RHOBTB2: variants seen among roughly 807,000 people sequenced by gnomAD.
RHOBTB2 encodes Rho related BTB domain containing 2.
A neutral mutation model predicts 66.5 loss-of-function variants in RHOBTB2; 39 were observed. The ratio of observed to expected loss-of-function variants is 0.59; its 90% CI spans 0.45 to 0.77. The LOEUF is 0.77. Among genes scored for constraint, RHOBTB2 ranks in the 30% least tolerant of loss-of-function variants. The probability of loss-of-function intolerance (pLI) is 0.00; values close to 1 mark genes in which losing one functional copy is unlikely to be tolerated. For missense variants in RHOBTB2, 755 were observed against 999.1 expected, an observed-to-expected ratio of 0.76 and a Z score of 3.29; for synonymous variants, 390 against 395.0, an observed-to-expected ratio of 0.99 and a Z score of 0.15.
intron 6 of RHOBTB2, 130 bp downstream of exon 6, chr8:23,008,241 G>C: frequency 3.0e-6 from 2 of 660,918 alleles, no homozygotes; most frequent in Admixed American, 2.7e-5. Flanking sequence ...GCCCAAGAGA[G>C]GTTTATGAGG....
the RHOBTB2 span, among the ~76,000 whole-genome samples, chr8:22,982,170 C>T: frequency 6.6e-4 from 101 of 152,338 alleles, no homozygotes; most frequent in Middle Eastern, 0.014. Flanking sequence ...TGGTTCAGTG[C>T]CTCCATCCCT....
chr8:22,999,829 C>T lies in RHOBTB2; in HGVS notation c.-287C>T, dbSNP rs1393976981. Reference sequence around the variant, plus strand: ...CCGCGCGCCGCCGTGACATTGGGCGCCTGGCGCGCGGGGCGATGCTGATCC... The same window carrying T: ...CCGCGCGCCGCCGTGACATTGGGCGTCTGGCGCGCGGGGCGATGCTGATCC... On this transcript the variant is annotated 5_prime_UTR_variant, in exon 1 of 10. Transcript: ENST00000251822. 3 of 984,332 alleles carry T rather than the reference C, an allele frequency of 3.0e-6. No homozygotes were observed. In the East Asian group the frequency reaches 3.4e-4, roughly 113 times the overall value. The allele number at this position is 984,332 out of a possible 1,614,324, so 61.0% of individuals were successfully genotyped here.
At chr8:22,954,497 A>AT in the RHOBTB2 span, among the ~76,000 whole-genome samples, 1,790 of 152,338 alleles carry the variant, frequency 0.012, 33 homozygotes, top group African/African-American at 0.039. Context: ...GCAGACACTT[A>AT]ATAATCTTTT....
the RHOBTB2 span, among the ~76,000 whole-genome samples, chr8:22,974,648 C>T: frequency 6.6e-6 from 1 of 152,188 alleles, no homozygotes; most frequent in African/African-American, 2.4e-5. Flanking sequence ...CAGGTTGCAT[C>T]CTGGGTCTAT....
chr8:22,983,909 A>AT (rs1186385467), upstream of RHOBTB2, among the ~76,000 whole-genome samples: 1 of 151,786 alleles, frequency 6.6e-6, no homozygotes, highest in East Asian at 1.9e-4. Flanking sequence ...TAATTTTTGT[A>AT]TTTTTTAGTA....
Position 23,006,041 on chromosome 8 carries a change from C to G in RHOBTB2, c.378C>G (p.Ile126Met). ...TCAAGACCATGTGGTACCCAGAAATCAAGCACTTCTGCCCCCGAGCACCTG... is the reference window on the plus strand; with the variant it reads ...TCAAGACCATGTGGTACCCAGAAATGAAGCACTTCTGCCCCCGAGCACCTG... The part of the protein sequence containing the change: ...HHVKTMWYPE[I>M]KHFCPRAPVI... The change falls in exon 4 of 10, where the codon ATC becomes ATG. Residue 126 changes from isoleucine (I) to methionine (M), a missense_variant. By Grantham distance (10) the Ile-to-Met change is conservative (BLOSUM62 1). Around this residue, in one of 7 missense-constraint regions of RHOBTB2, gnomAD observed 33 missense variants for 36.0 expected, o/e 0.92. Coordinates refer to ENST00000251822, the MANE Select transcript of RHOBTB2 (RefSeq NM_015178.3). This position sits in a 1 kb window ranked among gnomAD's most constrained non-coding sequence, Gnocchi z 6.1. 1 of 1,614,080 alleles carries G rather than the reference C, an allele frequency of 6.2e-7. No individual in the cohort carries two copies. The highest frequency in any genetic ancestry group is 8.5e-7 in the Non-Finnish European group (1 of 1,179,996).
the RHOBTB2 span, among the ~76,000 whole-genome samples, chr8:22,981,708 C>G: frequency 1.8e-4 from 27 of 152,284 alleles, no homozygotes; most frequent in Non-Finnish European, 3.7e-4. Context: ...CCTGTCCCCC[C>G]ACTGCCTGCC....
chr8:22,975,526 G>A, the RHOBTB2 span, among the ~76,000 whole-genome samples: 3 of 152,140 alleles, frequency 2.0e-5, no homozygotes, highest in Non-Finnish European at 2.9e-5. Context: ...AGAAGGCCAG[G>A]GGATGTGAAC....
At chr8:22,962,398 C>A in the RHOBTB2 span, among the ~76,000 whole-genome samples, 2 of 151,908 alleles carry the variant, frequency 1.3e-5, no homozygotes, top group African/African-American at 2.4e-5. Context: ...CTCTTACTTT[C>A]TCTTAGTTGC....
At chr8:23,003,282 T>A (rs1810840961) in intron 1 of RHOBTB2, among the ~76,000 whole-genome samples, 1 of 152,206 alleles carries the variant, frequency 6.6e-6, no homozygotes, top group Non-Finnish European at 1.5e-5. Context: ...AACACGAACA[T>A]GACATCTGAC....
the RHOBTB2 span, among the ~76,000 whole-genome samples, chr8:22,966,432 A>C: frequency 6.6e-6 from 1 of 152,224 alleles, no homozygotes; most frequent in African/African-American, 2.4e-5. Context: ...AAACGGGTGA[A>C]GGACTTGAAT....
At chr8:22,965,765 A>C in the RHOBTB2 span, among the ~76,000 whole-genome samples, 2 of 152,382 alleles carry the variant, frequency 1.3e-5, no homozygotes, top group East Asian at 3.9e-4. Context: ...ACCATATGTA[A>C]AATTAACTCA....
In RHOBTB2 at chr8:23,008,056, G is replaced by A; in HGVS notation, c.1565G>A (p.Cys522Tyr). The change falls in exon 6 of 10, where the codon TGT (cysteine) becomes TAT (tyrosine). Residue 522 changes from cysteine to tyrosine, a missense_variant. Cys to Tyr is a radical substitution (Grantham distance 194). Around this residue, in one of 7 missense-constraint regions of RHOBTB2, gnomAD observed 353 missense variants for 458.2 expected, o/e 0.77. Coordinates refer to ENST00000251822, the MANE Select transcript of RHOBTB2 (RefSeq NM_015178.3). Reference protein sequence around the residue: ...SAHKPLLISSCDWMAAMFGGP... With the variant: ...SAHKPLLISSYDWMAAMFGGP... Reference sequence around the variant, plus strand: ...CACAAGCCCCTGTTGATTTCCAGCTGTGACTGGATGGCTGCCATGTTTGGG... The same window carrying A: ...CACAAGCCCCTGTTGATTTCCAGCTATGACTGGATGGCTGCCATGTTTGGG... 1 of 1,613,648 alleles carries A rather than the reference G, an allele frequency of 6.2e-7. No individual in the cohort carries two copies. Among genetic ancestry groups the A allele is most frequent in the East Asian group, 2.2e-5 (1 of 44,884 alleles).
upstream of RHOBTB2, among the ~76,000 whole-genome samples, chr8:22,984,377 T>G (rs1035863207): frequency 6.6e-6 from 1 of 152,236 alleles, no homozygotes; most frequent in Admixed American, 6.5e-5. Flanking sequence ...AGGCAGTGTA[T>G]TGATTGTGTA....
the RHOBTB2 span, among the ~76,000 whole-genome samples, chr8:22,966,384 T>C: frequency 6.6e-6 from 1 of 151,700 alleles, no homozygotes; most frequent in Non-Finnish European, 1.5e-5. Flanking sequence ...AGAAAACTTA[T>C]GAGACCCAAC....
the RHOBTB2 span, among the ~76,000 whole-genome samples, chr8:22,958,948 C>G: frequency 6.6e-6 from 1 of 152,138 alleles, no homozygotes; most frequent in African/African-American, 2.4e-5. Flanking sequence ...ATTGGGGCCA[C>G]TGTGTATGGT....
At chr8:23,002,649 CA>C (rs1346375969) in intron 1 of RHOBTB2, among the ~76,000 whole-genome samples, 2 of 152,166 alleles carry the variant, frequency 1.3e-5, no homozygotes, top group African/African-American at 4.8e-5. Context: ...GAGATCATGC[CA>C]CTGCACTCCA....
the RHOBTB2 span, among the ~76,000 whole-genome samples, chr8:22,965,810 C>G: frequency 1.3e-5 from 2 of 152,168 alleles, no homozygotes; most frequent in African/African-American, 4.8e-5. Context: ...AGAGCTAGAA[C>G]TATAAAGCTC....
chr8:22,960,627 CT>C, the RHOBTB2 span, among the ~76,000 whole-genome samples: 1 of 152,094 alleles, frequency 6.6e-6, no homozygotes, highest in African/African-American at 2.4e-5. Flanking sequence ...CTGAGTTGTC[CT>C]TTTTCATTGG....
Sources: gnomAD v4.1 joint callset for allele counts (sites outside exome capture counted in the v4.1 genomes callset) on GRCh38, gnomAD v4.1.1 for gene constraint, gnomAD v4.1.1 regional missense constraint, Gnocchi (gnomAD v3.1) non-coding constraint, MANE v1.5 for transcripts, NCBI Gene and HGNC (gene_info 2026-07-23, HGNC 2026-07-21) for gene names.